RAD51B: variants seen among roughly 807,000 people sequenced by gnomAD.
RAD51B encodes DNA repair protein RAD51 homolog 2.
RAD51B carries 38 observed loss-of-function variants against 42.2 expected under a neutral mutation model. That is an observed-to-expected ratio of 0.90 (90% CI 0.70 to 1.18). RAD51B has a LOEUF of 1.18. Ranked by LOEUF, RAD51B falls within the 50% of genes most tolerant of loss-of-function variation. The pLI, the probability that RAD51B is intolerant of heterozygous loss-of-function variation, is 0.00. For synonymous variants in RAD51B, 154 were observed against 145.2 expected (o/e 1.06, Z -0.43); for missense variants, 373 against 400.7 (o/e 0.93, Z 0.59).
At chr14:68,138,387 G>A (rs2078054113) in intron 7 of RAD51B, among the ~76,000 whole-genome samples, 1 of 152,086 alleles carries the variant, frequency 6.6e-6, no homozygotes. Flanking sequence ...TCTTTTAACA[G>A]CAAAGGCTCC....
chr14:68,597,312 C>A (rs1002721767), downstream of RAD51B, among the ~76,000 whole-genome samples: 2 of 152,146 alleles, frequency 1.3e-5, no homozygotes, highest in African/African-American at 4.8e-5. Context: ...TTACTGTCAT[C>A]CACTCCTGGT....
chr14:68,296,368 A>G (rs1434869314), intron 8 of RAD51B, among the ~76,000 whole-genome samples: 2 of 152,284 alleles, frequency 1.3e-5, no homozygotes, highest in East Asian at 1.9e-4. Context: ...GTTCAGACAT[A>G]TAGGTTATTA....
At chr14:68,385,555 G>C (rs1198786293) in intron 8 of RAD51B, among the ~76,000 whole-genome samples, 1 of 152,188 alleles carries the variant, frequency 6.6e-6, no homozygotes, top group Non-Finnish European at 1.5e-5. Context: ...GACTATACGA[G>C]AAGGGCAGTC....
At chr14:67,869,718 T>C (rs1030843731) in intron 5 of RAD51B, among the ~76,000 whole-genome samples, 6 of 152,094 alleles carry the variant, frequency 3.9e-5, no homozygotes, top group African/African-American at 1.5e-4. Context: ...GGGAAGCCCA[T>C]CAGACTAACA....
chr14:68,069,175 A>G (rs552133690), intron 7 of RAD51B, among the ~76,000 whole-genome samples: 1 of 152,282 alleles, frequency 6.6e-6, no homozygotes, highest in South Asian at 2.1e-4. Flanking sequence ...CAGGGGTATG[A>G]CCTGCTATGC....
intron 10 of RAD51B, among the ~76,000 whole-genome samples, chr14:68,542,881 A>G (rs1004237657): frequency 6.6e-6 from 1 of 152,054 alleles, no homozygotes; most frequent in Non-Finnish European, 1.5e-5. Context: ...CTCATCTCCC[A>G]TTGTTCCCTG....
intron 7 of RAD51B, among the ~76,000 whole-genome samples, chr14:67,995,593 C>T (rs2075367823): frequency 6.6e-6 from 1 of 151,822 alleles, no homozygotes; most frequent in African/African-American, 2.4e-5. Flanking sequence ...GGAGACCAAG[C>T]CCTGCTGATT....
At chr14:67,917,682 G>T (rs897398236) in intron 7 of RAD51B, among the ~76,000 whole-genome samples, 1 of 152,110 alleles carries the variant, frequency 6.6e-6, no homozygotes, top group Non-Finnish European at 1.5e-5. Context: ...ATTTCCTGAC[G>T]ATTTGAGTAT....
chr14:68,421,456 G>A (rs756363278), intron 9 of RAD51B, among the ~76,000 whole-genome samples: 10 of 152,064 alleles, frequency 6.6e-5, no homozygotes, highest in African/African-American at 9.7e-5. Flanking sequence ...GGAGTGGGGG[G>A]ACCTCAGGCC....
At chr14:68,436,915 A>C (rs1271241459) in intron 9 of RAD51B, among the ~76,000 whole-genome samples, 1 of 152,128 alleles carries the variant, frequency 6.6e-6, no homozygotes, top group Non-Finnish European at 1.5e-5. Context: ...AGGAGGCTTT[A>C]GTGGAGTCTT....
chr14:68,519,927 G>T (rs534255665), intron 10 of RAD51B, among the ~76,000 whole-genome samples: 2 of 152,350 alleles, frequency 1.3e-5, no homozygotes, highest in Admixed American at 1.3e-4. Flanking sequence ...AAGGAGAAGA[G>T]AGAACGTTTC....
At chr14:68,005,571 G>C (rs75780739) in intron 7 of RAD51B, among the ~76,000 whole-genome samples, 1 of 152,096 alleles carries the variant, frequency 6.6e-6, no homozygotes, top group Non-Finnish European at 1.5e-5. Context: ...AGTACTGGTT[G>C]CTGCACATTC....
chr14:68,245,279 C>A (rs1043023692), intron 7 of RAD51B, among the ~76,000 whole-genome samples: 66 of 152,228 alleles, frequency 4.3e-4, no homozygotes, highest in African/African-American at 1.5e-3. Flanking sequence ...ATTTGGGGAA[C>A]TGCAGCTGCT....
At chr14:67,858,538 A>G (rs1486009576) in intron 4 of RAD51B, among the ~76,000 whole-genome samples, 1 of 152,206 alleles carries the variant, frequency 6.6e-6, no homozygotes, top group African/African-American at 2.4e-5. Context: ...CAATTATGCA[A>G]AAAATTTTAA....
intron 10 of RAD51B, among the ~76,000 whole-genome samples, chr14:68,514,595 A>C (rs1885997383): frequency 1.3e-5 from 2 of 151,974 alleles, no homozygotes; most frequent in South Asian, 2.1e-4. Flanking sequence ...CTAGTATCTC[A>C]GCCTCGAATC....
At chr14:67,899,508 T>C (rs970445446) in intron 7 of RAD51B, among the ~76,000 whole-genome samples, 1 of 152,238 alleles carries the variant, frequency 6.6e-6, no homozygotes, top group African/African-American at 2.4e-5. Context: ...TCTTTTTGTA[T>C]TACCATTAAT....
chr14:68,571,453 T>C (rs1889697058), intron 10 of RAD51B, among the ~76,000 whole-genome samples: 1 of 152,166 alleles, frequency 6.6e-6, no homozygotes, highest in African/African-American at 2.4e-5. Context: ...GCCGCCCACA[T>C]TCCTTGACTC....
chr14:68,284,516 AAAGTCTGC>A (rs1274830433), intron 7 of RAD51B, among the ~76,000 whole-genome samples: 12 of 152,230 alleles, frequency 7.9e-5, no homozygotes, highest in Admixed American at 6.5e-4. Flanking sequence ...GCCAGAAATA[AAAGTCTGC>A]CTGACTCCCA....
At chr14:68,374,716 C>T (rs1011113963) in intron 8 of RAD51B, among the ~76,000 whole-genome samples, 3 of 149,542 alleles carry the variant, frequency 2.0e-5, no homozygotes, top group African/African-American at 5.0e-5. Flanking sequence ...CACAGATGGT[C>T]TCAGAAGTTT....
Sources: allele counts gnomAD v4.1 joint callset (sites outside exome capture counted in the v4.1 genomes callset), GRCh38; gene constraint gnomAD v4.1.1; transcripts MANE v1.5; gene names NCBI Gene and HGNC (gene_info 2026-07-23, HGNC 2026-07-21).